CDK5RAP2: variants seen among roughly 807,000 people sequenced by gnomAD.
CDK5RAP2 encodes the protein CDK5 regulatory subunit associated protein 2.
In CDK5RAP2, 147 loss-of-function variants were observed where a neutral mutation model predicts 232.9. That is an observed-to-expected ratio of 0.63 (90% CI 0.55 to 0.72). CDK5RAP2 has a LOEUF of 0.72. CDK5RAP2 is among the 30% of genes least tolerant of loss of function. The probability of loss-of-function intolerance (pLI) is 0.00; values close to 1 mark genes in which losing one functional copy is unlikely to be tolerated. For missense variants in CDK5RAP2, 2,195 were observed against 2,231.5 expected (o/e 0.98, Z 0.33); for synonymous variants, 833 against 833.7 (o/e 1.00, Z 0.01).
At chr9:120,449,281 G>C (rs543991674) in intron 21 of CDK5RAP2, among the ~76,000 whole-genome samples, 5 of 152,072 alleles carry the variant, frequency 3.3e-5, no homozygotes, top group Non-Finnish European at 5.9e-5. Context: ...AACTCAAATG[G>C]GCCTTCCTCA....
Position 120,402,969 on chromosome 9 carries a change from C to T in CDK5RAP2, c.5144G>A (p.Gly1715Asp). The T allele has an allele frequency of 1.2e-6, 2 of 1,614,166 alleles. No individual in the cohort carries two copies. The highest frequency in any genetic ancestry group is 2.2e-5 in the South Asian group (2 of 91,074). The change falls in exon 34 of 38, where the codon GGC (glycine) becomes GAC (aspartate). Residue 1715 changes from glycine to aspartate, a missense_variant. Physicochemically the swap from Gly to Asp is moderately conservative, Grantham distance 94 (BLOSUM62 -1). Coordinates refer to ENST00000349780, the MANE Select transcript of CDK5RAP2 (RefSeq NM_018249.6). ...STPCVSRLVT[G>D]HHLWASKNGR... The stretch of plus-strand genomic sequence containing the variant: ...ATTCTTGCTGGCCCACAGGTGGTGG[C>T]CAGTGACCAGGCGGGACACACACGG...
At chr9:120,540,962 C>G (rs1204404075) in intron 5 of CDK5RAP2, among the ~76,000 whole-genome samples, 1 of 152,240 alleles carries the variant, frequency 6.6e-6, no homozygotes, top group African/African-American at 2.4e-5. Flanking sequence ...CCATTGAATG[C>G]CATCACCCCC....
intron 19 of CDK5RAP2, 22 bp downstream of exon 19, chr9:120,460,550 G>T: frequency 6.2e-7 from 1 of 1,609,580 alleles, no homozygotes; most frequent in South Asian, 1.1e-5. Flanking sequence ...ATGAAATAAG[G>T]AGTTAACTGA....
rs576886304 is a variant in CDK5RAP2, at chr9:120,569,667, A to G, written c.128-1279T>C. On this transcript the variant is annotated intron_variant, in intron 2 of 37. Coordinates refer to ENST00000349780, the MANE Select transcript of CDK5RAP2 (RefSeq NM_018249.6). Reference sequence around the variant, plus strand: ...AGGTGAGAGAGGTAAACAGGGACAGACTGTATACGGTTTTTAGGCTCTTCT... The same window carrying G: ...AGGTGAGAGAGGTAAACAGGGACAGGCTGTATACGGTTTTTAGGCTCTTCT... Among the ~76,000 whole-genome samples, 8 of 152,296 alleles carry G rather than the reference A, an allele frequency of 5.3e-5. No homozygotes were observed. In the East Asian group the frequency reaches 1.4e-3, roughly 26 times the overall value.
At chr9:120,418,068 T>G (rs2131359835) in intron 27 of CDK5RAP2, among the ~76,000 whole-genome samples, 1 of 152,116 alleles carries the variant, frequency 6.6e-6, no homozygotes, top group African/African-American at 2.4e-5. Context: ...GTGAGAAAAA[T>G]ACTAAATTAT....
chr9:120,528,816 T>C lies in CDK5RAP2; in HGVS notation c.826-19A>G, dbSNP rs2041020305. 3 of 1,598,850 alleles carry C rather than the reference T, an allele frequency of 1.9e-6. No individual in the cohort carries two copies. The highest frequency in any genetic ancestry group is 2.6e-6 in the Non-Finnish European group (3 of 1,166,030). ...GTGCAGCCTAAGAAAAGGCATTAAT[T>C]GGTGTGAAGAAGGGACGTGCAATCC... On this transcript the variant is annotated intron_variant, in intron 8 of 37. Coordinates refer to ENST00000349780, the MANE Select transcript of CDK5RAP2 (RefSeq NM_018249.6).
At chr9:120,462,868 T>A (rs1197520601) in intron 18 of CDK5RAP2, among the ~76,000 whole-genome samples, 1 of 152,196 alleles carries the variant, frequency 6.6e-6, no homozygotes, top group Non-Finnish European at 1.5e-5. Flanking sequence ...CTATAAGCAT[T>A]TATTGAAGAT....
intron 27 of CDK5RAP2, among the ~76,000 whole-genome samples, chr9:120,416,755 CTTTAA>C (rs1361209425): frequency 1.3e-5 from 2 of 152,170 alleles, no homozygotes; most frequent in Non-Finnish European, 2.9e-5. Flanking sequence ...AAACTAATGT[CTTTAA>C]TTTATCAATT....
intron 31 of CDK5RAP2, chr9:120,407,525 T>C (rs2033543004): frequency 4.2e-6 from 2 of 480,606 alleles, no homozygotes; most frequent in Non-Finnish European, 7.6e-6. Flanking sequence ...TTATGTCTAG[T>C]AGTAATAAAA....
chr9:120,491,020 T>C (rs142843615), intron 13 of CDK5RAP2, among the ~76,000 whole-genome samples: 2 of 152,312 alleles, frequency 1.3e-5, no homozygotes, highest in East Asian at 3.9e-4. Context: ...TAGAAGAACC[T>C]CAGTGAAGTG....
At chr9:120,420,026 T>A in intron 26 of CDK5RAP2, 66 bp from the exon 27 acceptor site, 1 of 1,228,630 alleles carries the variant, frequency 8.1e-7, no homozygotes, top group Non-Finnish European at 1.2e-6. Context: ...GACTATGACT[T>A]ACGAATACTT....
rs1280841210 is a variant in CDK5RAP2, at chr9:120,535,711, A to G, written c.662+661T>C. On this transcript the variant is annotated intron_variant, in intron 7 of 37. Coordinates refer to ENST00000349780, the MANE Select transcript of CDK5RAP2 (RefSeq NM_018249.6). ...AAGTTTTTACCAAAAATTTCGTTGCAAAATATGATGGGCACTAAAGACTGC... is the reference window on the plus strand; with the variant it reads ...AAGTTTTTACCAAAAATTTCGTTGCGAAATATGATGGGCACTAAAGACTGC... Among the ~76,000 whole-genome samples the G allele has an allele frequency of 2.6e-5, 4 of 152,232 alleles. No homozygotes were observed. In the East Asian group the frequency reaches 7.7e-4, roughly 29 times the overall value.
intron 3 of CDK5RAP2, among the ~76,000 whole-genome samples, chr9:120,557,586 T>C (rs945838449): frequency 1.3e-5 from 2 of 151,720 alleles, no homozygotes; most frequent in South Asian, 2.1e-4. Context: ...CGAAACCACT[T>C]CTCTACAAAA....
intron 27 of CDK5RAP2, among the ~76,000 whole-genome samples, chr9:120,415,390 A>G (rs917191614): frequency 3.9e-5 from 6 of 152,220 alleles, no homozygotes; most frequent in Admixed American, 3.9e-4. Flanking sequence ...TTTACATCAC[A>G]TAGAAAAAAT....
intron 36 of CDK5RAP2, 73 bp from the exon 37 acceptor site, chr9:120,389,860 G>A: frequency 7.0e-7 from 1 of 1,421,692 alleles, no homozygotes; most frequent in Non-Finnish European, 9.9e-7. Flanking sequence ...GCCAAGTGCA[G>A]GGAGGATGAA....
chr9:120,536,336 T>C, intron 7 of CDK5RAP2, 36 bp downstream of exon 7: 1 of 1,609,408 alleles, frequency 6.2e-7, no homozygotes, highest in Non-Finnish European at 8.5e-7. Flanking sequence ...TGCCAGATAA[T>C]GTGATGTCAG....
At chr9:120,455,638 G>A (rs2036728046) in intron 20 of CDK5RAP2, among the ~76,000 whole-genome samples, 1 of 152,040 alleles carries the variant, frequency 6.6e-6, no homozygotes, top group Non-Finnish European at 1.5e-5. Flanking sequence ...AGCTACTCGG[G>A]AGGCTGAGGT....
At chr9:120,558,190 T>G (rs1250807889) in intron 3 of CDK5RAP2, among the ~76,000 whole-genome samples, 1 of 148,304 alleles carries the variant, frequency 6.7e-6, no homozygotes, top group Non-Finnish European at 1.5e-5. Flanking sequence ...CTGGCCAACA[T>G]GGTGAAACCC....
At chr9:120,495,979 AG>A (rs2039199909) in intron 12 of CDK5RAP2, among the ~76,000 whole-genome samples, 1 of 121,120 alleles carries the variant, frequency 8.3e-6, no homozygotes, top group African/African-American at 3.1e-5. Context: ...GTAGGGAGGT[AG>A]GGGGGTCAGC....
Sources: allele counts gnomAD v4.1 joint callset (sites outside exome capture counted in the v4.1 genomes callset), GRCh38; gene constraint gnomAD v4.1.1; transcripts MANE v1.5; gene names NCBI Gene and HGNC (gene_info 2026-07-23, HGNC 2026-07-21).